SPG11: variants seen among roughly 807,000 people sequenced by gnomAD.
SPG11 encodes spatacsin.
A neutral mutation model predicts 274.0 loss-of-function variants in SPG11; 222 were observed. That is an observed-to-expected ratio of 0.81 (90% CI 0.73 to 0.91). The LOEUF (loss-of-function observed/expected upper bound fraction) is 0.91. SPG11 is among the 40% of genes least tolerant of loss of function. The probability of loss-of-function intolerance (pLI) is 0.00; values close to 1 mark genes in which losing one functional copy is unlikely to be tolerated. For missense variants in SPG11, 3,114 were observed against 2,872.7 expected (o/e 1.08, Z -1.92); for synonymous variants, 1,144 against 1,039.7 (o/e 1.10, Z -1.93).
In SPG11 at chr15:44,604,276, CTT is replaced by C. The variant is rs1233742017; in HGVS notation, c.3520+1747_3520+1748del. The stretch of plus-strand genomic sequence containing the variant: ...GGTCTTACCTGAAAGTACATTCCCT[CTT>C]TGAGATTAAAAAAACTGTCACATGC... On this transcript the variant is annotated intron_variant, in intron 20 of 39. Coordinates refer to ENST00000261866, the MANE Select transcript of SPG11 (RefSeq NM_025137.4). 42 of 330,502 alleles carry C rather than the reference CTT, an allele frequency of 1.3e-4. 1 individual carries two copies. The highest frequency in any genetic ancestry group is 2.5e-4 in the Non-Finnish European group (41 of 163,626). 20.5% of individuals were successfully genotyped at this position (330,502 alleles called of 1,614,324 possible).
Position 44,651,547 on chromosome 15 carries a change from G to A in SPG11, c.1400C>T (p.Thr467Ile), listed in dbSNP as rs369352026. The change falls in exon 6 of 40, where the codon ACA (threonine) becomes ATA (isoleucine). Residue 467 changes from threonine to isoleucine, a missense_variant. By Grantham distance (89) the Thr-to-Ile change is moderately conservative (BLOSUM62 -1). Coordinates refer to ENST00000261866, the MANE Select transcript of SPG11 (RefSeq NM_025137.4). ...TQGMQCFSLGTKCIPVDSSGD... is the reference protein window; with the variant it reads ...TQGMQCFSLGIKCIPVDSSGD... ...ACTACTGTCTACAGGAATACACTTT[G>A]TGCCAAGGGAAAAACACTGCATGCC... 32 of 1,614,060 alleles carry A rather than the reference G, an allele frequency of 2.0e-5. No individual in the cohort carries two copies. In the South Asian group the frequency reaches 3.1e-4, roughly 16 times the overall value.
intron 23 of SPG11, 89 bp downstream of exon 23, chr15:44,598,176 A>C: frequency 1.1e-6 from 1 of 880,350 alleles, no homozygotes; most frequent in Non-Finnish European, 1.9e-6. Context: ...TTTAGTGAAA[A>C]CACCAGAGTT....
rs1239086009 is a variant in SPG11 at position 44,629,218 on chromosome 15, A to T, written c.1891+15T>A. On this transcript the variant is annotated intron_variant, in intron 9 of 39. Coordinates refer to ENST00000261866, the MANE Select transcript of SPG11 (RefSeq NM_025137.4). ...GGAACAGTAGAATTGCCCCCTTCCT[A>T]GCTGCTATTCTTACCTTCAGTGTGA... 6.2e-7 allele frequency: 1 copy of T among 1,613,284 alleles called. No individual in the cohort carries two copies. The highest frequency in any genetic ancestry group is 1.3e-5 in the African/African-American group (1 of 75,028).
At chr15:44,641,846 G>A (rs771152196) in intron 7 of SPG11, among the ~76,000 whole-genome samples, 1 of 145,614 alleles carries the variant, frequency 6.9e-6, no homozygotes. Context: ...AAGCAATTCT[G>A]CTTTCACCCT....
intron 28 of SPG11, among the ~76,000 whole-genome samples, chr15:44,589,030 T>C (rs145052093): frequency 1.6e-4 from 25 of 152,334 alleles, no homozygotes; most frequent in African/African-American, 5.8e-4. Context: ...GGTAACTGCT[T>C]AGAATGAGAT....
chr15:44,624,274 G>C (rs947676281), intron 11 of SPG11, among the ~76,000 whole-genome samples: 3 of 151,542 alleles, frequency 2.0e-5, no homozygotes, highest in Non-Finnish European at 2.9e-5. Context: ...GATTGCTTGA[G>C]CCCAAGAGTT....
intron 15 of SPG11, 62 bp downstream of exon 15, chr15:44,620,125 CATT>C: frequency 8.1e-7 from 1 of 1,236,788 alleles, no homozygotes; most frequent in South Asian, 1.2e-5. Context: ...AAAGCTATAC[CATT>C]ATTTTTTCTT....
chr15:44,652,531 C>G (rs2084815991), intron 4 of SPG11, among the ~76,000 whole-genome samples: 1 of 152,180 alleles, frequency 6.6e-6, no homozygotes, highest in South Asian at 2.1e-4. Context: ...AAACACTTCA[C>G]ACAAACTCTT....
At position 44,566,218 on chromosome 15, in the gene SPG11, T is replaced by C. The variant is rs1276380825; in HGVS notation, c.6842A>G (p.Lys2281Arg). 2 of 1,614,212 alleles carry C rather than the reference T, an allele frequency of 1.2e-6. No homozygotes were observed. Among genetic ancestry groups the C allele is most frequent in the South Asian group, 1.1e-5 (1 of 91,078 alleles). The change falls in exon 37 of 40, where the codon AAG becomes AGG. Residue 2281 changes from lysine (K) to arginine (R), a missense_variant and splice_region_variant. By Grantham distance (26) the Lys-to-Arg change is conservative (BLOSUM62 2). Transcript: ENST00000261866. ...GTCTGAAAAAAGCCTTTGGGTTACC[T>C]TGGCATAACTCTCTGCTGCATCCAA... ...LMLDAAESYA[K>R]DSCVRQAQHC...
chr15:44,610,783 G>T (rs527628534), intron 18 of SPG11, 57 bp downstream of exon 18: 2 of 1,464,626 alleles, frequency 1.4e-6, no homozygotes, highest in East Asian at 2.3e-5. Flanking sequence ...ACAATCCATA[G>T]ATAATTCTGC....
chr15:44,606,020 C>T lies in SPG11; in HGVS notation c.3520+5G>A, dbSNP rs2083308489. The T allele has an allele frequency of 6.2e-7, 1 of 1,612,918 alleles. No individual in the cohort carries two copies. On this transcript the variant is annotated splice_donor_5th_base_variant and intron_variant, in intron 20 of 39. Coordinates refer to ENST00000261866, the MANE Select transcript of SPG11 (RefSeq NM_025137.4). Reference sequence around the variant, plus strand: ...ATGTCTCAAGAAGTACCCATGATGACTTACCTCCTATAGCTAGTGTGTTAG... The same window carrying T: ...ATGTCTCAAGAAGTACCCATGATGATTTACCTCCTATAGCTAGTGTGTTAG...
Position 44,566,389 on chromosome 15 carries a change from A to G in SPG11, c.6755-84T>C, listed in dbSNP as rs976574253. 9 of 1,355,842 alleles carry G rather than the reference A, an allele frequency of 6.6e-6. No homozygotes were observed. The Admixed American group carries it at 1.7e-4, about 26-fold the overall frequency. The allele number at this position is 1,355,842 out of a possible 1,614,324, so 84.0% of individuals were successfully genotyped here. ...CCCACTCATTGTGATCGTGGCTAGA[A>G]TAGAAACATCCCAGCCATGTTCACA... On this transcript the variant is annotated intron_variant, in intron 36 of 39. Coordinates refer to ENST00000261866, the MANE Select transcript of SPG11 (RefSeq NM_025137.4).
chr15:44,626,565 T>C (rs1321328219), intron 10 of SPG11, 58 bp from the exon 11 acceptor site: 14 of 1,527,110 alleles, frequency 9.2e-6, no homozygotes, highest in Non-Finnish European at 1.2e-5. Context: ...ATTATGATTA[T>C]CAACATGGGA....
chr15:44,626,541 T>G, intron 10 of SPG11, 34 bp from the exon 11 acceptor site: 1 of 1,603,104 alleles, frequency 6.2e-7, no homozygotes, highest in South Asian at 1.1e-5. Flanking sequence ...TTTTAAGTTC[T>G]TTTTCATTTC....
chr15:44,654,597 T>C (rs1166454582), intron 4 of SPG11, among the ~76,000 whole-genome samples: 3 of 152,194 alleles, frequency 2.0e-5, no homozygotes, highest in Admixed American at 6.5e-5. Flanking sequence ...CCAGCATTTT[T>C]GGGAGGCCAA....
intron 20 of SPG11, among the ~76,000 whole-genome samples, 197 bp downstream of exon 20, chr15:44,605,828 A>G (rs2140993859): frequency 6.6e-6 from 1 of 152,380 alleles, no homozygotes; most frequent in South Asian, 2.1e-4. Context: ...CAGCAAGTAC[A>G]GCACTAGTAA....
chr15:44,579,499 C>T (rs2082615159), intron 30 of SPG11, among the ~76,000 whole-genome samples: 1 of 123,004 alleles, frequency 8.1e-6, no homozygotes, highest in Admixed American at 1.1e-4. Flanking sequence ...TGCACTCTAG[C>T]ATGGGCGATA....
At chr15:44,577,424 G>T (rs1358878753) in intron 30 of SPG11, among the ~76,000 whole-genome samples, 1 of 146,998 alleles carries the variant, frequency 6.8e-6, no homozygotes, top group Admixed American at 7.0e-5. Flanking sequence ...GACTGCTTGA[G>T]CCCTGGAGGT....
At chr15:44,615,600 A>G in intron 15 of SPG11, 34 bp from the exon 16 acceptor site, 1 of 1,603,194 alleles carries the variant, frequency 6.2e-7, no homozygotes. Context: ...CAAGTTAAAA[A>G]GTTGCTATGT....
Sources: allele counts gnomAD v4.1 joint callset (sites outside exome capture counted in the v4.1 genomes callset), GRCh38; gene constraint gnomAD v4.1.1; transcripts MANE v1.5; gene names NCBI Gene and HGNC (gene_info 2026-07-23, HGNC 2026-07-21).